Variants in ZDHHC18 observed in about 807,000 individuals in gnomAD.
The protein encoded by ZDHHC18 is palmitoyltransferase ZDHHC18.
ZDHHC18 carries 23 observed loss-of-function variants against 37.5 expected under a neutral mutation model. That is an observed-to-expected ratio of 0.61 (90% CI 0.44 to 0.87). ZDHHC18 has a LOEUF of 0.87. Among genes scored for constraint, ZDHHC18 ranks in the 40% least tolerant of loss-of-function variants. The pLI is 0.00. For missense variants in ZDHHC18, 406 were observed against 525.6 expected (o/e 0.77, Z 2.22); for synonymous variants, 185 against 218.7 (o/e 0.85, Z 1.36).
chr1:26,827,157 G>C lies in ZDHHC18; in HGVS notation c.335+18G>C. 1.5e-6 allele frequency: 2 copies of C among 1,372,546 alleles called. No homozygotes were observed. The highest frequency in any genetic ancestry group is 1.9e-6 in the Non-Finnish European group (2 of 1,066,606). The allele number at this position is 1,372,546 out of a possible 1,614,324, so 85.0% of individuals were successfully genotyped here. On this transcript the variant is annotated intron_variant, in intron 1 of 7. Transcript: ENST00000374142. ...GTCTTTGAGTGAGTTCCGCTGCCTC[G>C]GCGCCCCCTCCCAGCCCCCTGCCGC...
At chr1:26,843,213 G>T (rs1357933415) in intron 2 of ZDHHC18, among the ~76,000 whole-genome samples, 1 of 149,348 alleles carries the variant, frequency 6.7e-6, no homozygotes, top group Non-Finnish European at 1.5e-5. Context: ...CGACTGTTCA[G>T]CTCACTGCAA....
At chr1:26,838,885 G>C (rs1233219529) in intron 2 of ZDHHC18, among the ~76,000 whole-genome samples, 2 of 152,262 alleles carry the variant, frequency 1.3e-5, no homozygotes. Flanking sequence ...GAAGTGGTCT[G>C]GGAGGGTTAT....
intron 1 of ZDHHC18, among the ~76,000 whole-genome samples, chr1:26,829,709 A>G (rs1033408890): frequency 6.6e-5 from 10 of 152,218 alleles, no homozygotes; most frequent in African/African-American, 1.9e-4. Flanking sequence ...GTAGGTGCTC[A>G]ATACTTATTG....
intron 2 of ZDHHC18, among the ~76,000 whole-genome samples, chr1:26,846,286 G>GTATA (rs1557644410): frequency 4.4e-4 from 19 of 43,290 alleles, no homozygotes; most frequent in African/African-American, 2.6e-3. Flanking sequence ...GTGTGTGTGT[G>GTATA]TGTGTATATA....
chr1:26,829,590 A>G (rs2081574752), intron 1 of ZDHHC18, among the ~76,000 whole-genome samples: 1 of 152,044 alleles, frequency 6.6e-6, no homozygotes, highest in Admixed American at 6.6e-5. Context: ...AGCATTTGCC[A>G]CCACCTGACA....
rs2081561049 is a variant in ZDHHC18, at chr1:26,827,082, T to C, written c.278T>C (p.Val93Ala). The change falls in exon 1 of 8, where the codon GTC (valine) becomes GCC (alanine). Residue 93 changes from valine to alanine, a missense_variant. Transcript: ENST00000374142. Reference sequence around the variant, plus strand: ...CTCATGCTGGCCGGCCACGGCGGCGTCTTCGCGCTCACGCTGCTGCTCATC... The same window carrying C: ...CTCATGCTGGCCGGCCACGGCGGCGCCTTCGCGCTCACGCTGCTGCTCATC... The part of the protein sequence containing the change: ...GRLMLAGHGG[V>A]FALTLLLILT... The C allele has an allele frequency of 7.2e-7, 1 of 1,393,002 alleles. No homozygotes were observed. The highest frequency in any genetic ancestry group is 9.3e-7 in the Non-Finnish European group (1 of 1,074,682). 86.3% of individuals were successfully genotyped at this position (1,393,002 alleles called of 1,614,324 possible).
chr1:26,853,797 C>G lies in ZDHHC18; in HGVS notation c.1121C>G (p.Ala374Gly). 1 of 1,614,094 alleles carries G rather than the reference C, an allele frequency of 6.2e-7. No homozygotes were observed. Among genetic ancestry groups the G allele is most frequent in the Non-Finnish European group, 8.5e-7 (1 of 1,180,034 alleles). ...TCACCCATCAGAAGCGATGAGCCAGCCTGCAGAGCCAAGCCTGATGCCAGC... is the reference window on the plus strand; with the variant it reads ...TCACCCATCAGAAGCGATGAGCCAGGCTGCAGAGCCAAGCCTGATGCCAGC... ...LPSPIRSDEP[A>G]CRAKPDASMV... Residue 374 changes from alanine to glycine, a missense_variant, in exon 8 of 8, where the codon GCC becomes GGC. Physicochemically the swap from Ala to Gly is moderately conservative, Grantham distance 60. Coordinates refer to ENST00000374142, the MANE Select transcript of ZDHHC18 (RefSeq NM_032283.3).
At chr1:26,838,650 A>C (rs1490200326) in intron 2 of ZDHHC18, among the ~76,000 whole-genome samples, 1 of 152,246 alleles carries the variant, frequency 6.6e-6, no homozygotes, top group Non-Finnish European at 1.5e-5. Flanking sequence ...TGAGGCTTAG[A>C]GATTGATCAG....
intron 2 of ZDHHC18, among the ~76,000 whole-genome samples, chr1:26,837,845 G>A (rs184972851): frequency 2.3e-3 from 351 of 152,202 alleles, no homozygotes; most frequent in Non-Finnish European, 4.3e-3. Context: ...CCCAGCCACT[G>A]CTCTTCTCCT....
In ZDHHC18 at chr1:26,854,656, G is replaced by A. The variant is rs2081724318; in HGVS notation, c.*813G>A. 1 of 152,602 alleles carries A rather than the reference G, an allele frequency of 6.6e-6. No homozygotes were observed. The highest frequency in any genetic ancestry group is 2.1e-4 in the South Asian group (1 of 4,828). The allele number at this position is 152,602 out of a possible 1,614,324, so 9.5% of individuals were successfully genotyped here. A position where few individuals can be genotyped will look rare whatever the true frequency, so the allele number is the denominator to read the frequency against. The stretch of plus-strand genomic sequence containing the variant: ...CTCATGCTGGCAATACTTGAAACGG[G>A]TTTATTAATGCTGGGTATTTTGCAC... On this transcript the variant is annotated 3_prime_UTR_variant, in exon 8 of 8. Coordinates refer to ENST00000374142, the MANE Select transcript of ZDHHC18 (RefSeq NM_032283.3). The surrounding 1 kb of genome is among the most constrained non-coding windows in gnomAD (Gnocchi z 4.6).
In ZDHHC18 at chr1:26,850,383, C is replaced by G. The variant is rs561161693; in HGVS notation, c.729C>G (p.Ser243=). 1.9e-4 allele frequency: 309 copies of G among 1,614,228 alleles called. 1 individual carries two copies. The South Asian group carries it at 2.9e-3, about 15-fold the overall frequency. The change falls in exon 4 of 8, where the codon TCC becomes TCG. Residue 243 remains serine (S), a synonymous_variant. Transcript: ENST00000374142. This position sits in a 1 kb window ranked among gnomAD's most constrained non-coding sequence, Gnocchi z 6.1. The part of the protein sequence containing the change: ...NYRFFYAFIL[S]LSFLTAFIFA... The stretch of plus-strand genomic sequence containing the variant: ...GCTTCTTCTACGCGTTTATTCTCTC[C>G]CTCTCATTCCTGACGGCCTTCATCT...
rs747144908 is a variant in ZDHHC18, at chr1:26,850,468, G to C, written c.784+30G>C. 1.2e-4 allele frequency: 193 copies of C among 1,614,128 alleles called. 1 individual carries two copies. The South Asian group carries it at 1.7e-3, about 14-fold the overall frequency. On this transcript the variant is annotated intron_variant, in intron 4 of 7. Coordinates refer to ENST00000374142, the MANE Select transcript of ZDHHC18 (RefSeq NM_032283.3). This position sits in a 1 kb window ranked among gnomAD's most constrained non-coding sequence, Gnocchi z 6.1. ...GTTGTGGGTGAGGGCAGTGGGGAGT[G>C]GAAGGGGTCAGCCAGCAAGCTCAAG... is the stretch of plus-strand genomic sequence containing the variant.
At position 26,846,326 on chromosome 1, in the gene ZDHHC18, T is replaced by A. The variant is rs1235868630; in HGVS notation, c.497-2282T>A. On this transcript the variant is annotated intron_variant, in intron 2 of 7. Transcript: ENST00000374142. Reference sequence around the variant, plus strand: ...TATATATATATTTTTTTTTTTTTTTTTTTTTTTTTTTTTTTTTTGAGGCAG... The same window carrying A: ...TATATATATATTTTTTTTTTTTTTTATTTTTTTTTTTTTTTTTTGAGGCAG... Among the ~76,000 whole-genome samples the A allele has an allele frequency of 1.4e-4, 12 of 87,078 alleles. No individual in the cohort carries two copies. In the South Asian group the frequency reaches 4.0e-3, roughly 29 times the overall value. The allele number at this position is 87,078 out of a possible 152,430, so 57.1% of individuals were successfully genotyped here.
Position 26,855,342 on chromosome 1 carries a change from C to T in ZDHHC18, c.*1499C>T, listed in dbSNP as rs1027555814. 1 of 152,472 alleles carries T rather than the reference C, an allele frequency of 6.6e-6. No homozygotes were observed. The highest frequency in any genetic ancestry group is 2.4e-5 in the African/African-American group (1 of 41,466). The allele number at this position is 152,472 out of a possible 1,614,324, so 9.4% of individuals were successfully genotyped here. A position where few individuals can be genotyped will look rare whatever the true frequency, so the allele number is the denominator to read the frequency against. ...GGCCAAGAGGCAAGTGAAGGTTGGC[C>T]TGAGTCTGGGCCGGAAACTCAGAGG... is the stretch of plus-strand genomic sequence containing the variant. On this transcript the variant is annotated 3_prime_UTR_variant, in exon 8 of 8. Transcript: ENST00000374142.
At position 26,856,111 on chromosome 1, in the gene ZDHHC18, C is replaced by T. The variant is rs189526659; in HGVS notation, c.*2268C>T. The stretch of plus-strand genomic sequence containing the variant: ...TGAGAGCCGGAGCTTCCCTGGCTAC[C>T]ACCTCCAACCTGGGCACCAGGGCCC... On this transcript the variant is annotated 3_prime_UTR_variant, in exon 8 of 8. Coordinates refer to ENST00000374142, the MANE Select transcript of ZDHHC18 (RefSeq NM_032283.3). This position sits in a 1 kb window ranked among gnomAD's most constrained non-coding sequence, Gnocchi z 5.2. 47 of 416,558 alleles carry T rather than the reference C, an allele frequency of 1.1e-4. No individual in the cohort carries two copies. The highest frequency in any genetic ancestry group is 7.3e-4 in the Admixed American group (30 of 40,920). The allele number at this position is 416,558 out of a possible 1,614,324, so 25.8% of individuals were successfully genotyped here. A position where few individuals can be genotyped will look rare whatever the true frequency, so the allele number is the denominator to read the frequency against.
chr1:26,839,236 G>A (rs1305509869), intron 2 of ZDHHC18, among the ~76,000 whole-genome samples: 1 of 152,228 alleles, frequency 6.6e-6, no homozygotes, highest in Non-Finnish European at 1.5e-5. Flanking sequence ...GGCAGCAGGA[G>A]GGCCTTGCTG....
intron 2 of ZDHHC18, among the ~76,000 whole-genome samples, chr1:26,847,743 G>A (rs1008879861): frequency 6.0e-5 from 9 of 149,840 alleles, no homozygotes; most frequent in Admixed American, 2.0e-4. Flanking sequence ...GTGCAGTGGC[G>A]TGATCTTGAC....
intron 2 of ZDHHC18, among the ~76,000 whole-genome samples, chr1:26,844,309 G>A (rs1342212515): frequency 1.3e-5 from 2 of 152,174 alleles, no homozygotes; most frequent in African/African-American, 2.4e-5. Flanking sequence ...AAAGTTCTGG[G>A]ATTATAGGTG....
chr1:26,834,798 G>A (rs2081603860), intron 2 of ZDHHC18, among the ~76,000 whole-genome samples: 1 of 152,222 alleles, frequency 6.6e-6, no homozygotes, highest in Non-Finnish European at 1.5e-5. Context: ...TCCCAGTTGG[G>A]CATCATGGGT....
Sources: allele counts gnomAD v4.1 joint callset (sites outside exome capture counted in the v4.1 genomes callset), GRCh38; gene constraint gnomAD v4.1.1; non-coding constraint Gnocchi (gnomAD v3.1); transcripts MANE v1.5; gene names NCBI Gene and HGNC (gene_info 2026-07-23, HGNC 2026-07-21).